The following CALR3 variants were observed in gnomAD, a reference collection of about 807,000 sequenced individuals.
CALR3 encodes calreticulin 3, also known as calreticulin-3.
Under a neutral mutation model 48.7 loss-of-function variants are expected in CALR3, and 39 were observed. The ratio of observed to expected loss-of-function variants is 0.80; its 90% CI spans 0.62 to 1.05. The LOEUF (loss-of-function observed/expected upper bound fraction) is 1.05, where lower values mean the gene tolerates loss of function less well. Among genes scored for constraint, CALR3 ranks in the 50% least tolerant of loss-of-function variants. CALR3 has a pLI of 0.00. For synonymous variants in CALR3, 185 were observed against 172.7 expected, an observed-to-expected ratio of 1.07 and a Z score of -0.56; for missense variants, 449 against 474.7, an observed-to-expected ratio of 0.95 and a Z score of 0.50.
chr19:16,492,399 T>G (rs912245481), intron 2 of CALR3, among the ~76,000 whole-genome samples: 2 of 152,000 alleles, frequency 1.3e-5, no homozygotes, highest in African/African-American at 2.4e-5. Flanking sequence ...GAGGAGCCAT[T>G]GCACCCCAGC....
intron 7 of CALR3, among the ~76,000 whole-genome samples, chr19:16,481,923 T>TTTTTTTC (rs35650345): frequency 7.9e-6 from 1 of 126,294 alleles, no homozygotes; most frequent in Non-Finnish European, 1.6e-5. Flanking sequence ...TTTTTTTTTT[T>TTTTTTTC]TGAGACGGAG....
In CALR3 at chr19:16,479,218, G is replaced by A. The variant is rs148039385; in HGVS notation, c.1068C>T (p.Arg356=). ...IQAKEEMKKA[R]EEEEEELLSG... is the part of the protein sequence containing the mutation. ...ACAGCAGCTCTTCCTCCTCTTCCTC[G>A]CGGGCCTTCTTCATTTCCTCCTTGG... Residue 356 remains arginine (R), a synonymous_variant, in exon 9 of 9, where the codon CGC becomes CGT. Coordinates refer to ENST00000269881, the MANE Select transcript of CALR3 (RefSeq NM_145046.5). The A allele has an allele frequency of 1.7e-5, 27 of 1,613,762 alleles. No individual in the cohort carries two copies. Among genetic ancestry groups the A allele is most frequent in the Admixed American group, 3.3e-5 (2 of 59,934 alleles).
At chr19:16,480,238 C>A (rs1250977188) in intron 8 of CALR3, among the ~76,000 whole-genome samples, 1 of 148,802 alleles carries the variant, frequency 6.7e-6, no homozygotes, top group Admixed American at 6.8e-5. Context: ...ATGTCCTAAT[C>A]CCTGGAACCT....
In CALR3 at chr19:16,493,619, G is replaced by A. The variant is rs1196346199; in HGVS notation, c.193+2132C>T. ...GGCTGGAGTGTAGTGGCACGATCTC[G>A]ACTCACTGCAACCTCCGCCTCTCGG... is the stretch of plus-strand genomic sequence containing the variant. On this transcript the variant is annotated intron_variant, in intron 2 of 8. Transcript: ENST00000269881. Among the ~76,000 whole-genome samples the A allele has an allele frequency of 4.2e-5, 6 of 141,820 alleles. No homozygotes were observed. The South Asian group carries it at 1.1e-3, about 26-fold the overall frequency. The allele number at this position is 141,820 out of a possible 152,430, so 93.0% of individuals were successfully genotyped here.
chr19:16,480,323 A>G (rs1409579344), intron 8 of CALR3, among the ~76,000 whole-genome samples: 2 of 152,020 alleles, frequency 1.3e-5, no homozygotes, highest in Non-Finnish European at 2.9e-5. Context: ...AGGCCAAGGC[A>G]GGTGGATCAC....
In CALR3 at chr19:16,482,800, A is replaced by T; in HGVS notation, c.679-15T>A. 6.2e-7 allele frequency: 1 copy of T among 1,605,750 alleles called. No individual in the cohort carries two copies. Among genetic ancestry groups the T allele is most frequent in the Non-Finnish European group, 8.5e-7 (1 of 1,175,316 alleles). On this transcript the variant is annotated splice_polypyrimidine_tract_variant and intron_variant, in intron 5 of 8. Coordinates refer to ENST00000269881, the MANE Select transcript of CALR3 (RefSeq NM_145046.5). ...TTCTCCCAGTCCTTCAAAGACATGT[A>T]AGGAAAAAGTAAAATCAGTCAGATG...
intron 2 of CALR3, 77 bp downstream of exon 2, chr19:16,495,674 G>C (rs955743702): frequency 1.2e-5 from 13 of 1,119,918 alleles, no homozygotes; most frequent in Admixed American, 1.8e-5. Flanking sequence ...AAGCGTTTTG[G>C]CTGTGCCACA....
Position 16,480,147 on chromosome 19 carries a change from C to T in CALR3, c.1011+467G>A, listed in dbSNP as rs1234199566. On this transcript the variant is annotated intron_variant, in intron 8 of 8. Coordinates refer to ENST00000269881, the MANE Select transcript of CALR3 (RefSeq NM_145046.5). ...GAACCGGGAGGTGGAGGTTGCAGTG[C>T]GCCGAGATCACGCCACTGTACTTCA... Among the ~76,000 whole-genome samples, 7 of 131,136 alleles carry T rather than the reference C, an allele frequency of 5.3e-5. No homozygotes were observed. In the South Asian group the frequency reaches 7.6e-4, roughly 14 times the overall value. 86.0% of individuals were successfully genotyped at this position (131,136 alleles called of 152,430 possible). A position where few individuals can be genotyped will look rare whatever the true frequency, so the allele number is the denominator to read the frequency against.
Position 16,484,230 on chromosome 19 carries a change from C to T in CALR3, c.493-115G>A, listed in dbSNP as rs539662798. On this transcript the variant is annotated intron_variant, in intron 4 of 8. Coordinates refer to ENST00000269881, the MANE Select transcript of CALR3 (RefSeq NM_145046.5). Reference sequence around the variant, plus strand: ...TCTCACTCTGTCGCCCAGGTTGGAGCGCTGTGGCACAATCTCGGCTCACTA... The same window carrying T: ...TCTCACTCTGTCGCCCAGGTTGGAGTGCTGTGGCACAATCTCGGCTCACTA... 205 of 970,856 alleles carry T rather than the reference C, an allele frequency of 2.1e-4. No homozygotes were observed. In the East Asian group the frequency reaches 2.3e-3, roughly 11 times the overall value. The allele number at this position is 970,856 out of a possible 1,614,324, so 60.1% of individuals were successfully genotyped here.
chr19:16,490,490 C>T lies in CALR3; in HGVS notation c.274G>A (p.Val92Ile), dbSNP rs776598394. The change falls in exon 3 of 9, where the codon GTT becomes ATT. Residue 92 changes from valine to isoleucine, a missense_variant. By Grantham distance (29) the Val-to-Ile change is conservative. Coordinates refer to ENST00000269881, the MANE Select transcript of CALR3 (RefSeq NM_145046.5). ...KPFSNKGKTL[V>I]IQYTVKHEQK... ...TCATGTTTTACTGTGTACTGAATAACCAGAGTTTTCCCTTTATTGCTGAAC... is the reference window on the plus strand; with the variant it reads ...TCATGTTTTACTGTGTACTGAATAATCAGAGTTTTCCCTTTATTGCTGAAC... The T allele has an allele frequency of 6.2e-7, 1 of 1,614,120 alleles. No homozygotes were observed. Among genetic ancestry groups the T allele is most frequent in the Non-Finnish European group, 8.5e-7 (1 of 1,180,036 alleles).
At chr19:16,495,385 CCT>C (rs1466207076) in intron 2 of CALR3, among the ~76,000 whole-genome samples, 4 of 150,798 alleles carry the variant, frequency 2.7e-5, no homozygotes, top group Non-Finnish European at 4.4e-5. Flanking sequence ...CAACGTGGAC[CCT>C]GTCTCTACTA....
intron 5 of CALR3, among the ~76,000 whole-genome samples, chr19:16,483,026 G>A (rs1268886293): frequency 1.3e-5 from 2 of 151,872 alleles, no homozygotes; most frequent in Admixed American, 1.3e-4. Flanking sequence ...TTTATGTTTT[G>A]TACAGTCAGG....
chr19:16,481,904 CTTTTTTTT>C (rs747167825), intron 7 of CALR3, among the ~76,000 whole-genome samples: 1 of 72,250 alleles, frequency 1.4e-5, no homozygotes. Flanking sequence ...ACTCCCATCT[CTTTTTTTT>C]TTTTTTTTTT....
chr19:16,495,695 G>A, intron 2 of CALR3, 56 bp downstream of exon 2: 4 of 1,339,694 alleles, frequency 3.0e-6, no homozygotes, highest in Non-Finnish European at 4.3e-6. Context: ...ACTACCTAGA[G>A]AGGTTGCTAT....
chr19:16,492,525 G>T (rs1191257572), intron 2 of CALR3, among the ~76,000 whole-genome samples: 1 of 151,474 alleles, frequency 6.6e-6, no homozygotes, highest in Admixed American at 6.6e-5. Context: ...GAGGTTGGGA[G>T]TTGGAGACCA....
Position 16,483,929 on chromosome 19 carries a change from C to T in CALR3, c.678+1G>A. ...TAGAGTTGCCCAGGAAAAATTCACACCTGGGCTTTGTTGTCTTTAGTCTGT... is the reference window on the plus strand; with the variant it reads ...TAGAGTTGCCCAGGAAAAATTCACATCTGGGCTTTGTTGTCTTTAGTCTGT... On this transcript the variant is annotated splice_donor_variant, in intron 5 of 8. Coordinates refer to ENST00000269881, the MANE Select transcript of CALR3 (RefSeq NM_145046.5). LOFTEE classifies it high-confidence loss of function. 6.2e-7 allele frequency: 1 copy of T among 1,613,860 alleles called. No homozygotes were observed. Among genetic ancestry groups the T allele is most frequent in the East Asian group, 2.2e-5 (1 of 44,866 alleles).
In CALR3 at chr19:16,482,826, C is replaced by G. The variant is rs755728488; in HGVS notation, c.679-41G>C. 5 of 1,546,070 alleles carry G rather than the reference C, an allele frequency of 3.2e-6. No individual in the cohort carries two copies. In the South Asian group the frequency reaches 5.7e-5, roughly 18 times the overall value. On this transcript the variant is annotated intron_variant, in intron 5 of 8. Coordinates refer to ENST00000269881, the MANE Select transcript of CALR3 (RefSeq NM_145046.5). ...AGGAAAAAGTAAAATCAGTCAGATG[C>G]TCATATATTTGTTGTTGTTGCTTCT...
intron 8 of CALR3, among the ~76,000 whole-genome samples, chr19:16,479,683 T>C (rs976356158): frequency 6.7e-6 from 1 of 148,696 alleles, no homozygotes; most frequent in Non-Finnish European, 1.5e-5. Flanking sequence ...CATTTGAACC[T>C]AGGAGGCGGA....
At chr19:16,483,762 C>A (rs2093384526) in intron 5 of CALR3, 168 bp downstream of exon 5, 1 of 655,542 alleles carries the variant, frequency 1.5e-6, no homozygotes, top group African/African-American at 1.8e-5. Context: ...TTTACGATAC[C>A]TTCAGATGTG....
Sources: gnomAD v4.1 joint callset for allele counts (sites outside exome capture counted in the v4.1 genomes callset) on GRCh38, gnomAD v4.1.1 for gene constraint, MANE v1.5 for transcripts, NCBI Gene and HGNC (gene_info 2026-07-23, HGNC 2026-07-21) for gene names.